The following MAP3K20 variants were observed in gnomAD, a reference collection of about 807,000 sequenced individuals.
The protein encoded by MAP3K20 is HCCS-4.
In MAP3K20, 40 loss-of-function variants were observed where a neutral mutation model predicts 85.7. That is an observed-to-expected ratio of 0.47 (90% confidence interval 0.36 to 0.61). MAP3K20 has a LOEUF of 0.61. Among genes scored for constraint, MAP3K20 ranks in the 20% least tolerant of loss-of-function variants. The pLI is 0.00. For synonymous variants in MAP3K20, 325 were observed against 327.7 expected, an observed-to-expected ratio of 0.99 and a Z score of 0.09; for missense variants, 817 against 961.7, an observed-to-expected ratio of 0.85 and a Z score of 1.99.
chr2:173,192,923 G>A (rs1385075922), intron 7 of MAP3K20: 5 of 152,060 alleles, frequency 3.3e-5, no homozygotes, highest in Non-Finnish European at 7.4e-5. Flanking sequence ...TATATTTTTG[G>A]CTTTGAGGGC....
In MAP3K20 at chr2:173,190,194, G is replaced by A. The variant is rs115869442; in HGVS notation, c.416-701G>A. 8.8e-4 allele frequency among the ~76,000 whole-genome samples: 134 copies of A among 152,192 alleles called. 3 individuals are homozygous for A. The highest frequency in any genetic ancestry group is 3.2e-3 in the African/African-American group (132 of 41,520). The stretch of plus-strand genomic sequence containing the variant: ...CCTGGTTAACTCCTGTGTTTTTCAG[G>A]TTTTAGCATAAGCATCATTTCTTAC... On this transcript the variant is annotated intron_variant, in intron 5 of 19. Transcript: ENST00000375213.
At position 173,125,657 on chromosome 2, in the gene MAP3K20, C is replaced by T. The variant is rs376952073; in HGVS notation, c.159+34467C>T. ...TCAGTAGGCTTTCTTTTCTTTATTT[C>T]CTTTTATTTATTTATTTATTTCTGA... On this transcript the variant is annotated intron_variant, in intron 2 of 19. Transcript: ENST00000375213. Among the ~76,000 whole-genome samples, 108 of 152,014 alleles carry T rather than the reference C, an allele frequency of 7.1e-4. No individual in the cohort carries two copies. The East Asian group carries it at 0.014, about 19-fold the overall frequency.
chr2:173,117,131 A>G (rs1688147691), intron 2 of MAP3K20, among the ~76,000 whole-genome samples: 1 of 152,246 alleles, frequency 6.6e-6, no homozygotes, highest in African/African-American at 2.4e-5. Context: ...TTAACAATGC[A>G]ATCAATTAAA....
At chr2:173,225,113 T>C in intron 11 of MAP3K20, 1 of 930,672 alleles carries the variant, frequency 1.1e-6, no homozygotes. Flanking sequence ...TAAAGTTATC[T>C]TGTAGAATTT....
intron 1 of MAP3K20, among the ~76,000 whole-genome samples, chr2:173,089,327 G>A (rs1272189238): frequency 1.3e-5 from 2 of 152,060 alleles, no homozygotes; most frequent in African/African-American, 2.4e-5. Context: ...GGATGTGTGT[G>A]TCGGGGGACA....
intron 2 of MAP3K20, among the ~76,000 whole-genome samples, chr2:173,146,232 G>GT (rs1250178310): frequency 4.0e-3 from 580 of 143,500 alleles, no homozygotes; most frequent in Middle Eastern, 0.011. Context: ...GGTTTTTGTT[G>GT]TTTTTTTTTT....
intron 2 of MAP3K20, among the ~76,000 whole-genome samples, chr2:173,100,389 T>C (rs1156312455): frequency 6.6e-6 from 1 of 152,228 alleles, no homozygotes; most frequent in East Asian, 1.9e-4. Flanking sequence ...CATCGTTCAC[T>C]TGGGTCTTCC....
At chr2:173,168,404 T>C (rs1046484992) in intron 2 of MAP3K20, among the ~76,000 whole-genome samples, 6 of 152,224 alleles carry the variant, frequency 3.9e-5, no homozygotes, top group Admixed American at 3.9e-4. Context: ...ATTCTTTATC[T>C]CAATTTCATA....
At chr2:173,140,183 TG>T (rs1165591851) in intron 2 of MAP3K20, among the ~76,000 whole-genome samples, 1 of 151,950 alleles carries the variant, frequency 6.6e-6, no homozygotes, top group Non-Finnish European at 1.5e-5. Flanking sequence ...AGCTAATTTT[TG>T]TATTTTTAGT....
intron 9 of MAP3K20, among the ~76,000 whole-genome samples, chr2:173,209,008 A>G (rs1485897694): frequency 6.6e-6 from 1 of 152,226 alleles, no homozygotes; most frequent in Non-Finnish European, 1.5e-5. Flanking sequence ...TCTTAGCACT[A>G]AAGCTAATTA....
intron 11 of MAP3K20, chr2:173,222,807 G>A: frequency 1.0e-6 from 1 of 985,348 alleles, no homozygotes; most frequent in South Asian, 4.7e-5. Context: ...TACAGGCACT[G>A]CTCTGAAAAC....
chr2:173,133,446 C>A (rs1318186581), intron 2 of MAP3K20, among the ~76,000 whole-genome samples: 1 of 152,132 alleles, frequency 6.6e-6, no homozygotes, highest in East Asian at 1.9e-4. Flanking sequence ...GGGACTGTGG[C>A]ATCTGTCATA....
At position 173,221,943 on chromosome 2, in the gene MAP3K20, C is replaced by T. The variant is rs935199738; in HGVS notation, c.987+4693C>T. ...CTTAACTCCTAATTGTTCTTTGACA[C>T]GTAGTAATTCTGTGACATACTTTTT... On this transcript the variant is annotated intron_variant, in intron 11 of 19. Transcript: ENST00000375213. 6.1e-6 allele frequency: 6 copies of T among 987,254 alleles called. No individual in the cohort carries two copies. The South Asian group carries it at 1.4e-4, about 23-fold the overall frequency. 61.2% of individuals were successfully genotyped at this position (987,254 alleles called of 1,614,324 possible).
intron 14 of MAP3K20, among the ~76,000 whole-genome samples, chr2:173,237,037 T>TTTC (rs1684669553): frequency 2.8e-5 from 4 of 142,164 alleles, no homozygotes; most frequent in South Asian, 4.8e-4. Context: ...TTTTTTTTTT[T>TTTC]TTTTTTTGAG....
In MAP3K20 at chr2:173,079,445, G is replaced by T. The variant is rs1686954242; in HGVS notation, c.-35+3443G>T. Among the ~76,000 whole-genome samples the T allele has an allele frequency of 2.0e-5, 3 of 151,908 alleles. No homozygotes were observed. The South Asian group carries it at 6.2e-4, about 32-fold the overall frequency. On this transcript the variant is annotated intron_variant, in intron 1 of 19. Coordinates refer to ENST00000375213, the MANE Select transcript of MAP3K20 (RefSeq NM_016653.3). ...GACTTTATAAACACTGTACACTTAG[G>T]CTCTACTAGATTTATTTAAACATTT...
At chr2:173,114,730 C>T (rs751361204) in intron 2 of MAP3K20, among the ~76,000 whole-genome samples, 4 of 152,146 alleles carry the variant, frequency 2.6e-5, no homozygotes, top group Non-Finnish European at 5.9e-5. Flanking sequence ...AAGATAGGGC[C>T]CCAATCTCTT....
intron 3 of MAP3K20, among the ~76,000 whole-genome samples, chr2:173,178,528 C>T (rs907348573): frequency 9.2e-5 from 14 of 152,232 alleles, no homozygotes; most frequent in Admixed American, 3.3e-4. Context: ...CCTATAGTCC[C>T]AGCTACTCAG....
At chr2:173,175,001 T>G (rs1321708076) in intron 3 of MAP3K20, among the ~76,000 whole-genome samples, 2 of 152,214 alleles carry the variant, frequency 1.3e-5, no homozygotes, top group Admixed American at 6.5e-5. Flanking sequence ...TTTAGAAGAC[T>G]TGTTTTCAGT....
rs201704152 is a variant in MAP3K20, at chr2:173,217,160, T to C, written c.897T>C (p.Arg299=). 292 of 1,604,674 alleles carry C rather than the reference T, an allele frequency of 1.8e-4. 1 individual carries two copies. The highest frequency in any genetic ancestry group is 3.6e-5 in the Non-Finnish European group (42 of 1,175,508). The change falls in exon 11 of 20, where the codon CGT becomes CGC. Residue 299 remains arginine, a synonymous_variant. Coordinates refer to ENST00000375213, the MANE Select transcript of MAP3K20 (RefSeq NM_016653.3). ...ATLERLKKLE[R]DLSFKEQELK... ...TTGAGAGGCTAAAGAAACTAGAGCG[T>C]GATCTCAGCTTTAAGGAGCAGGAGC...
Sources: gnomAD v4.1 joint callset for allele counts (sites outside exome capture counted in the v4.1 genomes callset) on GRCh38, gnomAD v4.1.1 for gene constraint, MANE v1.5 for transcripts, NCBI Gene and HGNC (gene_info 2026-07-23, HGNC 2026-07-21) for gene names.